The following TRAPPC3L variants were observed in gnomAD, a reference collection of about 807,000 sequenced individuals.
The protein encoded by TRAPPC3L is trafficking protein particle complex subunit 3L.
A neutral mutation model predicts 23.7 loss-of-function variants in TRAPPC3L; 23 were observed. The observed-to-expected ratio is 0.97, with a 90% CI of 0.70 to 1.37. The LOEUF is 1.37. Among genes scored for constraint, TRAPPC3L ranks in the 40% most tolerant of loss-of-function variants. TRAPPC3L has a pLI of 0.00. For missense variants in TRAPPC3L, 212 were observed against 216.8 expected, an observed-to-expected ratio of 0.98 and a Z score of 0.14; for synonymous variants, 81 against 77.9, an observed-to-expected ratio of 1.04 and a Z score of -0.21.
chr6:116,503,565 A>C (rs1771954931), intron 3 of TRAPPC3L, among the ~76,000 whole-genome samples: 1 of 152,202 alleles, frequency 6.6e-6, no homozygotes, highest in African/African-American at 2.4e-5. Flanking sequence ...AAATCAACAG[A>C]AATACATTCT....
Position 116,500,438 on chromosome 6 carries a change from G to A in TRAPPC3L, c.426+43C>T, listed in dbSNP as rs1583264111. On this transcript the variant is annotated intron_variant, in intron 4 of 4. Coordinates refer to ENST00000368602, the MANE Select transcript of TRAPPC3L (RefSeq NM_001139444.3). ...GGTTATCTTATTTTAGCCTTAGAAG[G>A]ACTAAGAGATTCTTCATTCATTCTT... 4.0e-6 allele frequency: 6 copies of A among 1,485,994 alleles called. No homozygotes were observed. The East Asian group carries it at 1.2e-4, about 31-fold the overall frequency. 92.1% of individuals were successfully genotyped at this position (1,485,994 alleles called of 1,614,324 possible).
At chr6:116,532,962 TA>T (rs1371510058) in intron 3 of TRAPPC3L, among the ~76,000 whole-genome samples, 1 of 152,240 alleles carries the variant, frequency 6.6e-6, no homozygotes, top group Non-Finnish European at 1.5e-5. Flanking sequence ...CAGAAAGATC[TA>T]ATGAACATTT....
At chr6:116,519,485 C>T (rs1319847920) in intron 3 of TRAPPC3L, 1 of 152,210 alleles carries the variant, frequency 6.6e-6, no homozygotes, top group Non-Finnish European at 1.5e-5. Context: ...CACTGCCGAA[C>T]TGGGACATTG....
At chr6:116,529,116 C>T (rs1772542487) in intron 3 of TRAPPC3L, 2 of 152,408 alleles carry the variant, frequency 1.3e-5, no homozygotes, top group African/African-American at 2.4e-5. Context: ...GTGTTCTCCA[C>T]ATTTGTCCTG....
At chr6:116,531,407 T>A (rs1213550759) in intron 3 of TRAPPC3L, among the ~76,000 whole-genome samples, 1 of 151,744 alleles carries the variant, frequency 6.6e-6, no homozygotes, top group Admixed American at 6.6e-5. Flanking sequence ...AAGATATTAG[T>A]AGGTAATTAT....
At chr6:116,529,794 TTGAA>T (rs1424383891) in intron 3 of TRAPPC3L, among the ~76,000 whole-genome samples, 1 of 152,164 alleles carries the variant, frequency 6.6e-6, no homozygotes, top group Non-Finnish European at 1.5e-5. Flanking sequence ...AGGGCAGAGA[TTGAA>T]TGAAAATAAA....
chr6:116,503,790 T>A (rs1462498615), intron 3 of TRAPPC3L, among the ~76,000 whole-genome samples: 3 of 151,928 alleles, frequency 2.0e-5, no homozygotes, highest in African/African-American at 7.3e-5. Context: ...AATAACGAAA[T>A]GAAGGCAGAA....
At chr6:116,498,393 CA>C (rs1334211123) in intron 4 of TRAPPC3L, among the ~76,000 whole-genome samples, 1 of 152,188 alleles carries the variant, frequency 6.6e-6, no homozygotes, top group African/African-American at 2.4e-5. Context: ...GTGAACAATA[CA>C]TTATTTCTAT....
intron 1 of TRAPPC3L, chr6:116,543,781 G>A (rs1437905368): frequency 2.6e-5 from 39 of 1,517,290 alleles, no homozygotes; most frequent in African/African-American, 6.9e-5. Context: ...GCAAGAATTG[G>A]ATAAGACTTC....
intron 4 of TRAPPC3L, among the ~76,000 whole-genome samples, chr6:116,499,674 C>A (rs1562335388): frequency 6.6e-6 from 1 of 152,184 alleles, no homozygotes; most frequent in Non-Finnish European, 1.5e-5. Context: ...GCTGATTCTT[C>A]TACCTGTTAG....
chr6:116,540,533 C>G (rs1409855048), intron 2 of TRAPPC3L, 71 bp from the exon 3 acceptor site: 3 of 1,445,642 alleles, frequency 2.1e-6, no homozygotes, highest in Middle Eastern at 1.7e-4. Context: ...TTTTAAGAAG[C>G]GATTTGTGTG....
intron 3 of TRAPPC3L, among the ~76,000 whole-genome samples, chr6:116,502,370 C>T (rs1438726255): frequency 2.0e-5 from 3 of 152,158 alleles, no homozygotes; most frequent in Non-Finnish European, 4.4e-5. Context: ...AAATATGGGA[C>T]TATGTGAAAA....
Position 116,496,943 on chromosome 6 carries a change from C to T in TRAPPC3L, c.*11G>A, listed in dbSNP as rs1027690160. The stretch of plus-strand genomic sequence containing the variant: ...CAGCTAGCCGCCCCGTGGCATTTTC[C>T]GTGCTAGTCTTCATTTTTTCCCTCT... On this transcript the variant is annotated 3_prime_UTR_variant, in exon 5 of 5. Transcript: ENST00000368602. 1.8e-5 allele frequency: 27 copies of T among 1,535,738 alleles called. No homozygotes were observed. The highest frequency in any genetic ancestry group is 7.0e-5 in the African/African-American group (5 of 71,428).
At chr6:116,543,236 GGCAGAAAGAAT>G in intron 2 of TRAPPC3L, 56 bp downstream of exon 2, 1 of 1,190,466 alleles carries the variant, frequency 8.4e-7, no homozygotes. Context: ...AGTCATTAGA[GGCAGAAAGAAT>G]GCAGGTGATG....
intron 3 of TRAPPC3L, chr6:116,515,842 C>T (rs764457177): frequency 2.5e-6 from 4 of 1,613,866 alleles, no homozygotes; most frequent in African/African-American, 2.7e-5. Flanking sequence ...CGTTTGCTGC[C>T]TGGGAGGCTG....
intron 3 of TRAPPC3L, among the ~76,000 whole-genome samples, chr6:116,512,749 C>T (rs1772149734): frequency 6.6e-6 from 1 of 152,184 alleles, no homozygotes; most frequent in Non-Finnish European, 1.5e-5. Context: ...CTGGCAACTG[C>T]TATCTCTGTG....
At chr6:116,508,821 T>C (rs985328351) in intron 3 of TRAPPC3L, among the ~76,000 whole-genome samples, 1 of 152,006 alleles carries the variant, frequency 6.6e-6, no homozygotes, top group African/African-American at 2.4e-5. Context: ...GTGCTATTAA[T>C]AGAAATCCCA....
At chr6:116,497,178 T>C in intron 4 of TRAPPC3L, 105 bp from the exon 5 acceptor site, 2 of 1,414,096 alleles carry the variant, frequency 1.4e-6, no homozygotes, top group South Asian at 1.4e-5. Flanking sequence ...AAGAAATGAT[T>C]TTTAAAAAAG....
Position 116,496,762 on chromosome 6 carries a change from T to C in TRAPPC3L, c.*192A>G, listed in dbSNP as rs1771838438. 2.8e-6 allele frequency: 2 copies of C among 723,706 alleles called. No homozygotes were observed. Among genetic ancestry groups the C allele is most frequent in the Non-Finnish European group, 4.1e-6 (2 of 491,804 alleles). The allele number at this position is 723,706 out of a possible 1,614,324, so 44.8% of individuals were successfully genotyped here. ...CATATGAAATTTTGTGGACATGAGA[T>C]TGAAAATGCGTGATTTATAAGCAAA... On this transcript the variant is annotated 3_prime_UTR_variant, in exon 5 of 5. Transcript: ENST00000368602.
Sources: gnomAD v4.1 joint callset for allele counts (sites outside exome capture counted in the v4.1 genomes callset) on GRCh38, gnomAD v4.1.1 for gene constraint, MANE v1.5 for transcripts, NCBI Gene and HGNC (gene_info 2026-07-23, HGNC 2026-07-21) for gene names.